The following CEP72 variants were observed in gnomAD, a reference collection of about 807,000 sequenced individuals.
CEP72 encodes centrosomal protein 72, also known as centrosomal protein of 72 kDa.
Under a neutral mutation model 65.7 loss-of-function variants are expected in CEP72, and 78 were observed. That is an observed-to-expected ratio of 1.19 (90% CI 0.99 to 1.43). CEP72 has a LOEUF of 1.43. Ranked by LOEUF, CEP72 falls within the 40% of genes most tolerant of loss-of-function variation. The pLI is 0.00. For missense variants in CEP72, 914 were observed against 832.9 expected, an observed-to-expected ratio of 1.10 and a Z score of -1.20; for synonymous variants, 358 against 351.7, an observed-to-expected ratio of 1.02 and a Z score of -0.20.
chr5:663,358 G>A (rs1053477873), intron 1 of CEP72: 1 of 152,468 alleles, frequency 6.6e-6, no homozygotes, highest in African/African-American at 2.4e-5. Context: ...CCGGTGAGGT[G>A]ACATCCTAAA....
intron 7 of CEP72, 129 bp downstream of exon 7, chr5:637,947 CG>C: frequency 1.1e-6 from 1 of 912,812 alleles, no homozygotes; most frequent in South Asian, 1.9e-5. Flanking sequence ...AGGGCTGTTA[CG>C]GCGGTGCCGT....
Position 640,440 on chromosome 5 carries a change from G to T in CEP72, c.1375G>T (p.Glu459Ter). The T allele has an allele frequency of 6.2e-7, 1 of 1,614,188 alleles. No homozygotes were observed. Among genetic ancestry groups the T allele is most frequent in the Non-Finnish European group, 8.5e-7 (1 of 1,180,000 alleles). The change falls in exon 9 of 12, where the codon GAA (glutamate) becomes TAA (stop). Residue 459 changes from glutamate (E) to a stop codon, truncating the protein, a stop_gained. Coordinates refer to ENST00000264935, the MANE Select transcript of CEP72 (RefSeq NM_018140.4). LOFTEE classifies it high-confidence loss of function. The stretch of plus-strand genomic sequence containing the variant: ...AAGACACATCTTGTCATCTGTTGAA[G>T]AATTCACAGCAGCTCAGGACAGCTC... ...QARHILSSVE[E>*]FTAAQDSSAM...
chr5:618,999 A>C lies in CEP72; in HGVS notation c.92A>C (p.Gln31Pro). 1 of 1,608,306 alleles carries C rather than the reference A, an allele frequency of 6.2e-7. No individual in the cohort carries two copies. Among genetic ancestry groups the C allele is most frequent in the Non-Finnish European group, 8.5e-7 (1 of 1,174,966 alleles). Residue 31 changes from glutamine (Q) to proline (P), a missense_variant, in exon 2 of 12, where the codon CAG becomes CCG. Coordinates refer to ENST00000264935, the MANE Select transcript of CEP72 (RefSeq NM_018140.4). ...ATTTTTCTATTCTTAGCTGAGCTTCAGTCATTGTCTATTCCTGGAACTTAC... is the reference window on the plus strand; with the variant it reads ...ATTTTTCTATTCTTAGCTGAGCTTCCGTCATTGTCTATTCCTGGAACTTAC... ...LGPHRDLAEL[Q>P]SLSIPGTYQE...
Position 639,079 on chromosome 5 carries a change from T to C in CEP72, c.1207-10T>C. 6.2e-7 allele frequency: 1 copy of C among 1,613,224 alleles called. No homozygotes were observed. The highest frequency in any genetic ancestry group is 8.5e-7 in the Non-Finnish European group (1 of 1,179,832). On this transcript the variant is annotated splice_polypyrimidine_tract_variant and intron_variant, in intron 7 of 11. Transcript: ENST00000264935. Reference sequence around the variant, plus strand: ...GACTCGCTGGCCTCATGCTGTTGTTTCCATCACAGCCGTCTCCCGGGTCAC... The same window carrying C: ...GACTCGCTGGCCTCATGCTGTTGTTCCCATCACAGCCGTCTCCCGGGTCAC...
chr5:647,911 C>CCA lies in CEP72; in HGVS notation c.1776_1777dup (p.Ser593ThrfsTer15). On this transcript the variant is annotated frameshift_variant, in exon 11 of 12. Transcript: ENST00000264935. LOFTEE classifies it high-confidence loss of function. ...AGCTCACGCAGATGCTGCAGGAGAG[C>CCA]CACAGGTGCCTGCCCGTGAGACTTG... is the stretch of plus-strand genomic sequence containing the variant. 6.2e-7 allele frequency: 1 copy of CCA among 1,608,174 alleles called. No individual in the cohort carries two copies. The highest frequency in any genetic ancestry group is 8.5e-7 in the Non-Finnish European group (1 of 1,177,264).
intron 8 of CEP72, 80 bp from the exon 9 acceptor site, chr5:640,328 C>G: frequency 6.5e-7 from 1 of 1,548,878 alleles, no homozygotes; most frequent in Non-Finnish European, 8.7e-7. Flanking sequence ...CTGTGTGATT[C>G]AAAACATACT....
At chr5:643,569 C>G (rs1170884932) in intron 9 of CEP72, 3 of 985,272 alleles carry the variant, frequency 3.0e-6, no homozygotes, top group African/African-American at 1.7e-5. Context: ...TTCTGCTGCA[C>G]AGACTCAGGC....
chr5:667,498 G>A (rs1739969652), downstream of CEP72, among the ~76,000 whole-genome samples: 1 of 152,168 alleles, frequency 6.6e-6, no homozygotes, highest in Non-Finnish European at 1.5e-5. Flanking sequence ...GTGACCTGGG[G>A]TTAGGCGAAG....
chr5:619,917 G>A, intron 2 of CEP72, 152 bp from the exon 3 acceptor site: 1 of 667,286 alleles, frequency 1.5e-6, no homozygotes, highest in Non-Finnish European at 2.5e-6. Context: ...TCACAGATGA[G>A]AACGTTTCAT....
At chr5:628,362 C>G (rs1309018008) in intron 4 of CEP72, among the ~76,000 whole-genome samples, 2 of 149,120 alleles carry the variant, frequency 1.3e-5, no homozygotes, top group East Asian at 3.9e-4. Flanking sequence ...TCAGGGAGGT[C>G]CTGGCCCCAG....
At chr5:626,863 A>G (rs1243446376) in intron 4 of CEP72, among the ~76,000 whole-genome samples, 1 of 152,152 alleles carries the variant, frequency 6.6e-6, no homozygotes, top group Non-Finnish European at 1.5e-5. Flanking sequence ...GTGCATACCT[A>G]GAATAAATCC....
chr5:654,083 GTGTGTGTGC>G (rs1739284036), downstream of CEP72, among the ~76,000 whole-genome samples: 1 of 68,438 alleles, frequency 1.5e-5, no homozygotes, highest in Admixed American at 1.7e-4. Flanking sequence ...TGCGCCTAGT[GTGTGTGTGC>G]TAGCTGTGTG....
intron 10 of CEP72, 24 bp from the exon 11 acceptor site, chr5:647,781 C>CTTTT (rs568985937): frequency 7.2e-7 from 1 of 1,381,998 alleles, no homozygotes; most frequent in Non-Finnish European, 1.0e-6. Context: ...ATTAATGGTA[C>CTTTT]TTTTTTTTTT....
intron 5 of CEP72, among the ~76,000 whole-genome samples, chr5:634,253 GC>G (rs1304429210): frequency 1.2e-4 from 19 of 152,238 alleles, no homozygotes; most frequent in Non-Finnish European, 2.9e-5. Context: ...GGCAAGTGGG[GC>G]TGACATCTGC....
chr5:634,006 C>A, intron 5 of CEP72, 59 bp downstream of exon 5: 4 of 1,517,256 alleles, frequency 2.6e-6, no homozygotes, highest in South Asian at 2.4e-5. Context: ...TATATATAGT[C>A]GTTACTGGGC....
At chr5:675,147 C>G in the CEP72 span, among the ~76,000 whole-genome samples, 1 of 126,232 alleles carries the variant, frequency 7.9e-6, no homozygotes, top group Admixed American at 8.2e-5. Flanking sequence ...TGCAGTGTGG[C>G]CAGGGGTGCA....
At position 639,099 on chromosome 5, in the gene CEP72, G is replaced by T. The variant is rs1737822015; in HGVS notation, c.1217G>T (p.Gly406Val). The part of the protein sequence containing the change: ...GVTDTREPSP[G>V]SHSALPGKKT... ...TTGTTTCCATCACAGCCGTCTCCCG[G>T]GTCACACTCGGCTCTACCCGGGAAG... Residue 406 changes from glycine (G) to valine (V), a missense_variant, in exon 8 of 12, where the codon GGG becomes GTG. Transcript: ENST00000264935. 1 of 1,613,242 alleles carries T rather than the reference G, an allele frequency of 6.2e-7. No homozygotes were observed. Among genetic ancestry groups the T allele is most frequent in the African/African-American group, 1.3e-5 (1 of 74,948 alleles).
At chr5:625,086 G>GGA (rs1736661276) in intron 4 of CEP72, among the ~76,000 whole-genome samples, 1 of 152,152 alleles carries the variant, frequency 6.6e-6, no homozygotes, top group Admixed American at 6.5e-5. Context: ...GGCCACCTTC[G>GGA]GAGACCGTGG....
At chr5:639,274 G>C in intron 8 of CEP72, 50 bp downstream of exon 8, 1 of 1,515,378 alleles carries the variant, frequency 6.6e-7, no homozygotes, top group African/African-American at 1.4e-5. Flanking sequence ...GTCTGTGTGG[G>C]TTCCGGGGTC....
Sources: allele counts gnomAD v4.1 joint callset (sites outside exome capture counted in the v4.1 genomes callset), GRCh38; gene constraint gnomAD v4.1.1; transcripts MANE v1.5; gene names NCBI Gene and HGNC (gene_info 2026-07-23, HGNC 2026-07-21).